Variants in FANCC observed in about 807,000 individuals in gnomAD.
FANCC encodes Fanconi anemia group C protein.
In FANCC, 55 loss-of-function variants were observed where a neutral mutation model predicts 71.3. The observed-to-expected ratio is 0.77, with a 90% CI of 0.62 to 0.97. FANCC has a LOEUF of 0.97. Among genes scored for constraint, FANCC ranks in the 50% least tolerant of loss-of-function variants. FANCC has a pLI of 0.00. For missense variants in FANCC, 678 were observed against 670.9 expected (o/e 1.01, Z -0.12); for synonymous variants, 275 against 244.9 (o/e 1.12, Z -1.15).
At chr9:95,227,343 C>A (rs1421282440) in intron 4 of FANCC, among the ~76,000 whole-genome samples, 2 of 152,192 alleles carry the variant, frequency 1.3e-5, no homozygotes, top group Non-Finnish European at 2.9e-5. Flanking sequence ...CCTCTGGGGG[C>A]TCAGCTCACC....
At chr9:95,191,946 C>G (rs1248668606) in intron 4 of FANCC, among the ~76,000 whole-genome samples, 3 of 151,860 alleles carry the variant, frequency 2.0e-5, no homozygotes, top group Non-Finnish European at 4.4e-5. Context: ...TGCTTCCTCC[C>G]CCGAGATCCA....
chr9:95,127,162 T>C (rs914817849), intron 8 of FANCC: 1 of 154,132 alleles, frequency 6.5e-6, no homozygotes, highest in Non-Finnish European at 1.4e-5. Flanking sequence ...ATCTAATTTC[T>C]CCTTGAATAT....
At chr9:95,217,349 G>A (rs190135549) in intron 4 of FANCC, among the ~76,000 whole-genome samples, 2 of 152,076 alleles carry the variant, frequency 1.3e-5, no homozygotes, top group African/African-American at 2.4e-5. Flanking sequence ...GCCGGGTGTG[G>A]TGGTGGGCGC....
chr9:95,191,651 C>CCAT (rs920259612), intron 4 of FANCC, among the ~76,000 whole-genome samples: 1 of 152,136 alleles, frequency 6.6e-6, no homozygotes, highest in African/African-American at 2.4e-5. Context: ...CTTAGCCCAG[C>CCAT]CATCCCCAAG....
chr9:95,187,048 C>G (rs1189039392), intron 4 of FANCC, among the ~76,000 whole-genome samples: 1 of 152,134 alleles, frequency 6.6e-6, no homozygotes, highest in Non-Finnish European at 1.5e-5. Flanking sequence ...GCTGGGATTA[C>G]AGGTGCGAGC....
At chr9:95,132,451 C>T (rs960421009) in intron 8 of FANCC, among the ~76,000 whole-genome samples, 1 of 152,204 alleles carries the variant, frequency 6.6e-6, no homozygotes, top group African/African-American at 2.4e-5. Context: ...AGGTCTGAAG[C>T]TATGGATTAT....
intron 4 of FANCC, among the ~76,000 whole-genome samples, chr9:95,205,259 CTA>C (rs1818909965): frequency 6.6e-6 from 1 of 152,038 alleles, no homozygotes; most frequent in Non-Finnish European, 1.5e-5. Context: ...GTATAGTATA[CTA>C]TGACTTTAGT....
intron 1 of FANCC, among the ~76,000 whole-genome samples, chr9:95,313,310 C>T (rs1296614511): frequency 1.3e-5 from 2 of 152,150 alleles, no homozygotes; most frequent in East Asian, 3.9e-4. Context: ...AGAAGCGTCA[C>T]GTGTGTGCCT....
At chr9:95,123,581 A>G (rs756842130) in intron 10 of FANCC, 1 of 577,570 alleles carries the variant, frequency 1.7e-6, no homozygotes, top group South Asian at 1.4e-5. Context: ...CGTGCAGCCT[A>G]TTTGCGACAC....
chr9:95,103,718 T>A (rs976845141), intron 14 of FANCC, among the ~76,000 whole-genome samples: 10 of 152,114 alleles, frequency 6.6e-5, no homozygotes, highest in African/African-American at 2.4e-4. Flanking sequence ...GAGAAGAGGA[T>A]TCCGGGACAG....
intron 4 of FANCC, among the ~76,000 whole-genome samples, chr9:95,232,075 G>A (rs1236812339): frequency 6.6e-6 from 1 of 152,202 alleles, no homozygotes; most frequent in Non-Finnish European, 1.5e-5. Flanking sequence ...GGCTTCCGGG[G>A]AGGCCTCAGG....
At chr9:95,112,845 G>A (rs1192939881) in intron 12 of FANCC, among the ~76,000 whole-genome samples, 1 of 152,214 alleles carries the variant, frequency 6.6e-6, no homozygotes, top group Non-Finnish European at 1.5e-5. Flanking sequence ...AGCCCCACGA[G>A]GTCTAAGTCC....
intron 9 of FANCC, among the ~76,000 whole-genome samples, chr9:95,126,107 AGTTCT>A (rs145765626): frequency 5.9e-5 from 9 of 152,326 alleles, no homozygotes; most frequent in Non-Finnish European, 2.9e-5. Context: ...CTTTCAGAAG[AGTTCT>A]GTTAAGAATG....
chr9:95,206,964 G>A (rs1028987222), intron 4 of FANCC, among the ~76,000 whole-genome samples: 5 of 152,110 alleles, frequency 3.3e-5, no homozygotes, highest in Non-Finnish European at 5.9e-5. Context: ...CAGAAAAAGA[G>A]GTGAACTAAT....
chr9:95,234,001 T>C (rs1432332125), intron 4 of FANCC, among the ~76,000 whole-genome samples: 2 of 152,162 alleles, frequency 1.3e-5, no homozygotes, highest in Admixed American at 6.5e-5. Flanking sequence ...ATGGTCTCCA[T>C]GTGACCAGTA....
chr9:95,107,274 G>A lies in FANCC; in HGVS notation c.1330-5C>T. The A allele has an allele frequency of 6.2e-7, 1 of 1,613,278 alleles. No homozygotes were observed. Among genetic ancestry groups the A allele is most frequent in the Non-Finnish European group, 8.5e-7 (1 of 1,179,764 alleles). On this transcript the variant is annotated splice_region_variant and splice_polypyrimidine_tract_variant and intron_variant, in intron 13 of 14. Transcript: ENST00000289081. ...CAGCACGGCCTTCACCTGGACCTGGGCAATAGTATTTCACAGGGGAGAGGT... is the reference window on the plus strand; with the variant it reads ...CAGCACGGCCTTCACCTGGACCTGGACAATAGTATTTCACAGGGGAGAGGT...
intron 1 of FANCC, among the ~76,000 whole-genome samples, chr9:95,257,133 G>A (rs1338022319): frequency 1.3e-5 from 2 of 152,166 alleles, no homozygotes; most frequent in Non-Finnish European, 2.9e-5. Flanking sequence ...CAACGAGACA[G>A]AAAATTAACA....
Position 95,150,040 on chromosome 9 carries a change from A to C in FANCC, c.569T>G (p.Leu190Arg). 6.2e-7 allele frequency: 1 copy of C among 1,614,190 alleles called. No homozygotes were observed. Among genetic ancestry groups the C allele is most frequent in the Non-Finnish European group, 8.5e-7 (1 of 1,180,024 alleles). The stretch of plus-strand genomic sequence containing the variant: ...GGGGTCAACATCTGTCAGGGTAATA[A>C]GTGGGACACAAACTCGTGACAGGGA... The part of the protein sequence containing the change: ...VASLSRVCVP[L>R]ITLTDVDPLV... The change falls in exon 7 of 15, where the codon CTT becomes CGT. Residue 190 changes from leucine to arginine, a missense_variant. Leu to Arg is a moderately radical substitution (Grantham distance 102). Coordinates refer to ENST00000289081, the MANE Select transcript of FANCC (RefSeq NM_000136.3).
intron 4 of FANCC, among the ~76,000 whole-genome samples, chr9:95,203,276 G>C (rs1827909790): frequency 6.6e-6 from 1 of 150,546 alleles, no homozygotes; most frequent in Non-Finnish European, 1.5e-5. Context: ...GCATGTGCCT[G>C]TGGTTCCAGC....
Sources: gnomAD v4.1 joint callset for allele counts (sites outside exome capture counted in the v4.1 genomes callset) on GRCh38, gnomAD v4.1.1 for gene constraint, MANE v1.5 for transcripts, NCBI Gene and HGNC (gene_info 2026-07-23, HGNC 2026-07-21) for gene names.